Variants in PHC3 observed in about 807,000 individuals in gnomAD.
PHC3 encodes polyhomeotic-like protein 3.
In PHC3, 13 loss-of-function variants were observed where a neutral mutation model predicts 107.4. The ratio of observed to expected loss-of-function variants is 0.12; its 90% confidence interval spans 0.08 to 0.19. The LOEUF (loss-of-function observed/expected upper bound fraction) is 0.19. Among genes scored for constraint, PHC3 ranks in the 10% least tolerant of loss-of-function variants. The probability of loss-of-function intolerance (pLI) is 1.00; values close to 1 mark genes in which losing one functional copy is unlikely to be tolerated. For missense variants in PHC3, 992 were observed against 1,210.9 expected, an observed-to-expected ratio of 0.82 and a Z score of 2.68; for synonymous variants, 456 against 427.4, an observed-to-expected ratio of 1.07 and a Z score of -0.83.
rs547781259 is a variant in PHC3, at chr3:170,122,932, T to C, written c.1789-188A>G. Among the ~76,000 whole-genome samples the C allele has an allele frequency of 2.6e-3, 401 of 152,334 alleles. 2 individuals are homozygous for C. The highest frequency in any genetic ancestry group is 9.1e-3 in the African/African-American group (378 of 41,566). ...AGTTTTTCATATTTCTTCATAATAT[T>C]TGACTGAAAGCAAGCTGTGGATCAG... On this transcript the variant is annotated intron_variant, in intron 8 of 14. Coordinates refer to ENST00000495893, the MANE Select transcript of PHC3 (RefSeq NM_024947.4).
intron 9 of PHC3, among the ~76,000 whole-genome samples, chr3:170,117,845 A>AAC (rs1205321009): frequency 1.6e-5 from 2 of 125,506 alleles, no homozygotes; most frequent in African/African-American, 6.3e-5. Flanking sequence ...AAAAAAAACC[A>AAC]AAAAAAAAAA....
intron 14 of PHC3, among the ~76,000 whole-genome samples, chr3:170,100,290 A>G (rs1301366672): frequency 6.6e-6 from 1 of 152,176 alleles, no homozygotes; most frequent in Non-Finnish European, 1.5e-5. Flanking sequence ...GAAAACAAAC[A>G]GCGCTTAATG....
rs1449475725 is a variant in PHC3 at position 170,089,922 on chromosome 3, AAAAAAAG to A, written c.*7301_*7307del. On this transcript the variant is annotated 3_prime_UTR_variant, in exon 15 of 15. Coordinates refer to ENST00000495893, the MANE Select transcript of PHC3 (RefSeq NM_024947.4). ...ACAGAGCGAACCCATCTCAAAAAAA[AAAAAAAG>A]AAAAAAAAAAAAAAAGAAAGAAAGT... 4 of 148,798 alleles carry A rather than the reference AAAAAAAG, an allele frequency of 2.7e-5. No homozygotes were observed. Among genetic ancestry groups the A allele is most frequent in the African/African-American group, 7.6e-5 (3 of 39,362 alleles). The allele number at this position is 148,798 out of a possible 1,614,324, so 9.2% of individuals were successfully genotyped here.
intron 6 of PHC3, among the ~76,000 whole-genome samples, chr3:170,144,162 A>G (rs1053958380): frequency 1.3e-5 from 2 of 150,816 alleles, no homozygotes; most frequent in Non-Finnish European, 3.0e-5. Flanking sequence ...TCTACTTAAA[A>G]AAAAAAAAAA....
intron 4 of PHC3, among the ~76,000 whole-genome samples, chr3:170,156,905 G>GT (rs769615627): frequency 3.4e-4 from 51 of 152,186 alleles, no homozygotes; most frequent in Admixed American, 1.1e-3. Context: ...GAGACTACGT[G>GT]TTTTTTAATA....
intron 14 of PHC3, among the ~76,000 whole-genome samples, chr3:170,099,982 A>G (rs1715214384): frequency 1.3e-5 from 2 of 152,326 alleles, no homozygotes; most frequent in South Asian, 2.1e-4. Context: ...ATTGAAAATA[A>G]GAATTATTCC....
At chr3:170,145,569 TC>T (rs1489044505) in intron 5 of PHC3, 48 bp from the exon 6 acceptor site, 1 of 1,357,916 alleles carries the variant, frequency 7.4e-7, no homozygotes, top group Admixed American at 1.8e-5. Context: ...AAAGAACATG[TC>T]CCACACACAA....
intron 1 of PHC3, among the ~76,000 whole-genome samples, chr3:170,180,284 A>T (rs1731172359): frequency 6.6e-6 from 1 of 152,072 alleles, no homozygotes; most frequent in African/African-American, 2.4e-5. Context: ...TGTCTCTACA[A>T]ATGAAAAATA....
chr3:170,173,686 T>C (rs1359915281), intron 2 of PHC3, among the ~76,000 whole-genome samples: 1 of 152,226 alleles, frequency 6.6e-6, no homozygotes, highest in Non-Finnish European at 1.5e-5. Flanking sequence ...TACCGATCTA[T>C]ATTTACTAAC....
chr3:170,166,719 C>T (rs1008211852), intron 4 of PHC3, among the ~76,000 whole-genome samples: 2 of 152,082 alleles, frequency 1.3e-5, no homozygotes, highest in Non-Finnish European at 2.9e-5. Flanking sequence ...GGCTAGAGTA[C>T]AGTGGCATAA....
intron 11 of PHC3, among the ~76,000 whole-genome samples, chr3:170,107,504 G>C (rs1412516966): frequency 6.6e-6 from 1 of 152,138 alleles, no homozygotes; most frequent in African/African-American, 2.4e-5. Flanking sequence ...CATATATCAG[G>C]AGGCTGAGGC....
At chr3:170,131,400 G>C (rs1299115579) in intron 7 of PHC3, among the ~76,000 whole-genome samples, 1 of 152,116 alleles carries the variant, frequency 6.6e-6, no homozygotes, top group Non-Finnish European at 1.5e-5. Flanking sequence ...TGGTATAGGT[G>C]GGTATTATTA....
chr3:170,123,108 G>C (rs1720658019), intron 8 of PHC3, among the ~76,000 whole-genome samples: 1 of 152,064 alleles, frequency 6.6e-6, no homozygotes, highest in South Asian at 2.1e-4. Flanking sequence ...AATCAAAACA[G>C]ATACTAACAT....
intron 12 of PHC3, 70 bp downstream of exon 12, chr3:170,106,762 C>A (rs1716603369): frequency 1.1e-6 from 1 of 926,696 alleles, no homozygotes; most frequent in Non-Finnish European, 1.6e-6. Context: ...GTAAGCTATT[C>A]AAGGGTTTTT....
chr3:170,122,746 T>A lies in PHC3; in HGVS notation c.1789-2A>T. The A allele has an allele frequency of 1.2e-6, 2 of 1,613,722 alleles. No individual in the cohort carries two copies. The highest frequency in any genetic ancestry group is 1.7e-6 in the Non-Finnish European group (2 of 1,179,734). Reference sequence around the variant, plus strand: ...ACACACATCTTCTACCTGATAAACCTGCAATGACAAACCATACTGCCTTAA... The same window carrying A: ...ACACACATCTTCTACCTGATAAACCAGCAATGACAAACCATACTGCCTTAA... On this transcript the variant is annotated splice_acceptor_variant, in intron 8 of 14. Transcript: ENST00000495893. LOFTEE classifies it high-confidence loss of function.
Position 170,102,718 on chromosome 3 carries a change from A to T in PHC3, c.2602-8T>A, listed in dbSNP as rs1715711339. The T allele has an allele frequency of 6.2e-7, 1 of 1,613,790 alleles. No homozygotes were observed. Among genetic ancestry groups the T allele is most frequent in the African/African-American group, 1.3e-5 (1 of 74,932 alleles). On this transcript the variant is annotated splice_polypyrimidine_tract_variant and splice_region_variant and intron_variant, in intron 13 of 14. Transcript: ENST00000495893. Reference sequence around the variant, plus strand: ...TGGATAAGTAATTGGAAGCTGGAAAATGTAGTACAAGCAAAATACAGCATT... The same window carrying T: ...TGGATAAGTAATTGGAAGCTGGAAATTGTAGTACAAGCAAAATACAGCATT...
In PHC3 at chr3:170,092,798, A is replaced by C. The variant is rs1256749358; in HGVS notation, c.*4432T>G. 1.3e-5 allele frequency: 2 copies of C among 152,212 alleles called. No homozygotes were observed. The highest frequency in any genetic ancestry group is 4.8e-5 in the African/African-American group (2 of 41,460). 9.4% of individuals were successfully genotyped at this position (152,212 alleles called of 1,614,324 possible). A position where few individuals can be genotyped will look rare whatever the true frequency, so the allele number is the denominator to read the frequency against. Reference sequence around the variant, plus strand: ...CAGAAATCAAAAATCACTAACTTCTACATCACTGGAACTATTAATATCCAT... The same window carrying C: ...CAGAAATCAAAAATCACTAACTTCTCCATCACTGGAACTATTAATATCCAT... On this transcript the variant is annotated 3_prime_UTR_variant, in exon 15 of 15. Transcript: ENST00000495893.
intron 3 of PHC3, among the ~76,000 whole-genome samples, chr3:170,171,678 CT>C (rs1370629181): frequency 1.3e-4 from 20 of 152,166 alleles, no homozygotes; most frequent in African/African-American, 4.6e-4. Flanking sequence ...TTATTAGCTA[CT>C]TTATTGTCAG....
At chr3:170,132,899 A>G (rs1722482726) in intron 7 of PHC3, among the ~76,000 whole-genome samples, 1 of 152,218 alleles carries the variant, frequency 6.6e-6, no homozygotes, top group Non-Finnish European at 1.5e-5. Context: ...ATGTTTCCAA[A>G]CATTTAAAGT....
Sources: gnomAD v4.1 joint callset for allele counts (sites outside exome capture counted in the v4.1 genomes callset) on GRCh38, gnomAD v4.1.1 for gene constraint, MANE v1.5 for transcripts, NCBI Gene and HGNC (gene_info 2026-07-23, HGNC 2026-07-21) for gene names.